The following DOCK5 variants were observed in gnomAD, a reference collection of about 807,000 sequenced individuals.
DOCK5 encodes dedicator of cytokinesis protein 5.
Under a neutral mutation model 251.8 loss-of-function variants are expected in DOCK5, and 142 were observed. The observed-to-expected ratio is 0.56, with a 90% CI of 0.49 to 0.65. DOCK5 has a LOEUF of 0.65. Among genes scored for constraint, DOCK5 ranks in the 30% least tolerant of loss-of-function variants. The pLI, the probability that DOCK5 is intolerant of heterozygous loss-of-function variation, is 0.00. For synonymous variants in DOCK5, 842 were observed against 835.5 expected (o/e 1.01, Z -0.13); for missense variants, 2,111 against 2,312.3 (o/e 0.91, Z 1.79).
At chr8:25,307,894 G>C (rs891658161) in intron 11 of DOCK5, among the ~76,000 whole-genome samples, 1 of 152,196 alleles carries the variant, frequency 6.6e-6, no homozygotes, top group African/African-American at 2.4e-5. Context: ...ACTTTACAGT[G>C]TTTTCCAGTA....
chr8:25,354,875 G>C (rs888171670), intron 27 of DOCK5, among the ~76,000 whole-genome samples: 1 of 152,128 alleles, frequency 6.6e-6, no homozygotes, highest in Non-Finnish European at 1.5e-5. Context: ...ATCAAGAAGA[G>C]GAGGGAACTT....
At chr8:25,309,194 T>C (rs1188490457) in intron 12 of DOCK5, among the ~76,000 whole-genome samples, 1 of 152,172 alleles carries the variant, frequency 6.6e-6, no homozygotes, top group African/African-American at 2.4e-5. Context: ...TTTATTTATT[T>C]ATTTATTTTT....
intron 11 of DOCK5, among the ~76,000 whole-genome samples, chr8:25,308,469 A>T (rs1376179538): frequency 6.6e-6 from 1 of 152,030 alleles, no homozygotes; most frequent in Non-Finnish European, 1.5e-5. Context: ...CTCTGTCTTC[A>T]ATTCTATTGC....
intron 16 of DOCK5, among the ~76,000 whole-genome samples, chr8:25,322,606 A>G (rs1223164144): frequency 1.3e-5 from 2 of 152,384 alleles, no homozygotes; most frequent in South Asian, 2.1e-4. Flanking sequence ...TCAAGTTTGT[A>G]TGAAGTATTA....
chr8:25,254,774 A>AAAAAAAAC (rs1803368932), intron 2 of DOCK5, among the ~76,000 whole-genome samples: 1 of 86,142 alleles, frequency 1.2e-5, no homozygotes, highest in Non-Finnish European at 2.2e-5. Flanking sequence ...ACTTTGTCTC[A>AAAAAAAAC]AAAAAAAACA....
rs1181063444 is a variant in DOCK5 at position 25,302,305 on chromosome 8, C to T, written c.847-20C>T. 1 of 1,585,432 alleles carries T rather than the reference C, an allele frequency of 6.3e-7. No individual in the cohort carries two copies. Among genetic ancestry groups the T allele is most frequent in the East Asian group, 2.3e-5 (1 of 44,432 alleles). The stretch of plus-strand genomic sequence containing the variant: ...AGTGGTCCAGCCCCACCTCCTCTCA[C>T]ACTTTCTCTGCCCCTTTAGGACCTT... On this transcript the variant is annotated intron_variant, in intron 9 of 51. Transcript: ENST00000276440.
chr8:25,325,633 A>G (rs1796540354), intron 18 of DOCK5, 86 bp downstream of exon 18: 2 of 1,499,268 alleles, frequency 1.3e-6, no homozygotes, highest in Non-Finnish European at 1.8e-6. Context: ...GCTGGACTAT[A>G]TGGGGCTGGG....
intron 3 of DOCK5, among the ~76,000 whole-genome samples, chr8:25,269,598 G>A (rs1803851954): frequency 6.6e-6 from 1 of 152,182 alleles, no homozygotes; most frequent in African/African-American, 2.4e-5. Context: ...CCTTTTGCCA[G>A]TGCCAAAACT....
chr8:25,303,254 C>T (rs561327240), intron 10 of DOCK5, among the ~76,000 whole-genome samples: 1 of 152,254 alleles, frequency 6.6e-6, no homozygotes, highest in African/African-American at 2.4e-5. Context: ...TCACCTGGCC[C>T]ACGCTCCTTT....
intron 1 of DOCK5, among the ~76,000 whole-genome samples, chr8:25,232,756 A>G (rs1802702752): frequency 1.3e-5 from 2 of 152,028 alleles, no homozygotes; most frequent in Admixed American, 1.3e-4. Context: ...TTCAACATAA[A>G]CATTTAGGGG....
Position 25,392,797 on chromosome 8 carries a change from C to T in DOCK5, c.4442C>T (p.Thr1481Met), listed in dbSNP as rs746351464. The T allele has an allele frequency of 5.0e-6, 8 of 1,611,964 alleles. No homozygotes were observed. Among genetic ancestry groups the T allele is most frequent in the East Asian group, 4.5e-5 (2 of 44,860 alleles). ...GEKDPDNEFA[T>M]MWIERTTYTT... Reference sequence around the variant, plus strand: ...TCATGTTTTCCTTCTTGCCACCAGACGATGTGGATTGAACGGACCACGTAT... The same window carrying T: ...TCATGTTTTCCTTCTTGCCACCAGATGATGTGGATTGAACGGACCACGTAT... Residue 1481 changes from threonine to methionine, a missense_variant and splice_region_variant, in exon 44 of 52, where the codon ACG becomes ATG. Physicochemically the swap from Thr to Met is moderately conservative, Grantham distance 81. Coordinates refer to ENST00000276440, the MANE Select transcript of DOCK5 (RefSeq NM_024940.8).
chr8:25,195,982 C>T (rs1005432821), intron 1 of DOCK5, among the ~76,000 whole-genome samples: 1 of 152,170 alleles, frequency 6.6e-6, no homozygotes, highest in African/African-American at 2.4e-5. Context: ...GGATTTTGCC[C>T]ACACTTTGGA....
chr8:25,297,059 C>T (rs1804635191), intron 7 of DOCK5, among the ~76,000 whole-genome samples: 1 of 151,924 alleles, frequency 6.6e-6, no homozygotes, highest in African/African-American at 2.4e-5. Context: ...GCATATATTG[C>T]AATTTCAAAA....
intron 2 of DOCK5, among the ~76,000 whole-genome samples, chr8:25,253,817 C>T (rs1484282157): frequency 6.6e-6 from 1 of 152,178 alleles, no homozygotes; most frequent in African/African-American, 2.4e-5. Flanking sequence ...AATGTCAGTT[C>T]TTCTGAAGTT....
At chr8:25,374,063 G>A (rs1487930277) in intron 36 of DOCK5, among the ~76,000 whole-genome samples, 2 of 152,172 alleles carry the variant, frequency 1.3e-5, no homozygotes, top group Non-Finnish European at 2.9e-5. Flanking sequence ...TCCCAGAGGG[G>A]TCCAAGACCT....
At chr8:25,354,211 AAAAC>A (rs1410298637) in intron 27 of DOCK5, among the ~76,000 whole-genome samples, 15 of 152,154 alleles carry the variant, frequency 9.9e-5, no homozygotes, top group African/African-American at 3.6e-4. Context: ...AAGATGGAAA[AAAAC>A]AGGATTGAAG....
chr8:25,189,042 C>CTT (rs1432735816), intron 1 of DOCK5, among the ~76,000 whole-genome samples: 64 of 97,620 alleles, frequency 6.6e-4, no homozygotes, highest in African/African-American at 1.3e-3. Context: ...TTCTTTCTTT[C>CTT]TTTCTTTTTT....
chr8:25,267,516 G>C (rs1803787812), intron 2 of DOCK5, among the ~76,000 whole-genome samples: 1 of 152,180 alleles, frequency 6.6e-6, no homozygotes, highest in Non-Finnish European at 1.5e-5. Flanking sequence ...CAAATTACAA[G>C]AGAGTTCTAG....
chr8:25,195,327 A>G (rs1376830036), intron 1 of DOCK5, among the ~76,000 whole-genome samples: 1 of 147,600 alleles, frequency 6.8e-6, no homozygotes. Context: ...TCCTGGCCTC[A>G]AGTGATTCTC....
Sources: allele counts gnomAD v4.1 joint callset (sites outside exome capture counted in the v4.1 genomes callset), GRCh38; gene constraint gnomAD v4.1.1; transcripts MANE v1.5; gene names NCBI Gene and HGNC (gene_info 2026-07-23, HGNC 2026-07-21).